Variants in LRRTM4 observed in about 807,000 individuals in gnomAD.
LRRTM4 encodes the protein leucine-rich repeat transmembrane neuronal protein 4.
A neutral mutation model predicts 47.6 loss-of-function variants in LRRTM4; 25 were observed. The observed-to-expected ratio is 0.53, with a 90% CI of 0.38 to 0.73. LRRTM4 has a LOEUF of 0.73. Ranked by LOEUF, LRRTM4 falls within the 30% of genes least tolerant of loss-of-function variation. The pLI is 0.00. For synonymous variants in LRRTM4, 311 were observed against 269.5 expected (o/e 1.15, Z -1.51); for missense variants, 638 against 713.4 (o/e 0.89, Z 1.20).
intron 3 of LRRTM4, among the ~76,000 whole-genome samples, chr2:77,029,719 G>C (rs1678584464): frequency 1.3e-5 from 2 of 152,198 alleles, no homozygotes; most frequent in Non-Finnish European, 2.9e-5. Flanking sequence ...TTTCTGAAGA[G>C]AGGGAATAAA....
chr2:77,237,852 A>AC (rs757665913), intron 3 of LRRTM4, among the ~76,000 whole-genome samples: 1 of 151,976 alleles, frequency 6.6e-6, no homozygotes, highest in Non-Finnish European at 1.5e-5. Flanking sequence ...ACAAGTAAAG[A>AC]CCCCCTGTGA....
At chr2:76,804,323 A>C (rs1675852835) in intron 3 of LRRTM4, among the ~76,000 whole-genome samples, 1 of 152,090 alleles carries the variant, frequency 6.6e-6, no homozygotes, top group African/African-American at 2.4e-5. Flanking sequence ...AACTTGTTAT[A>C]TGTCTACCTT....
At chr2:76,906,681 G>T (rs1573293071) in intron 3 of LRRTM4, among the ~76,000 whole-genome samples, 2 of 151,826 alleles carry the variant, frequency 1.3e-5, no homozygotes, top group East Asian at 1.9e-4. Flanking sequence ...AACAAAAAAA[G>T]GCAGGGGTTG....
At chr2:76,864,378 C>G (rs558495733) in intron 3 of LRRTM4, among the ~76,000 whole-genome samples, 3 of 152,250 alleles carry the variant, frequency 2.0e-5, no homozygotes, top group African/African-American at 4.8e-5. Flanking sequence ...ATGAAGTGGG[C>G]TGGGCGTGGT....
intron 3 of LRRTM4, among the ~76,000 whole-genome samples, chr2:77,362,162 A>AAAGGAAGG (rs1397786559): frequency 8.9e-6 from 1 of 112,902 alleles, no homozygotes; most frequent in Admixed American, 7.6e-5. Context: ...AGAAAGAAAG[A>AAAGGAAGG]AAGAAAGAAA....
At chr2:77,181,734 A>G (rs1260431209) in intron 3 of LRRTM4, among the ~76,000 whole-genome samples, 1 of 152,140 alleles carries the variant, frequency 6.6e-6, no homozygotes, top group African/African-American at 2.4e-5. Flanking sequence ...TAAATTTATG[A>G]TGATGCAAAA....
rs146892460 is a variant in LRRTM4 at position 76,903,443 on chromosome 2, G to A, written c.1552-154527C>T. ...CCCAGCTACTCGGGAGGCTGAGGCA[G>A]GAGAAAGGCATGAACTTGGGAGGCT... On this transcript the variant is annotated intron_variant, in intron 3 of 3. Transcript: ENST00000409884. Among the ~76,000 whole-genome samples, 566 of 152,196 alleles carry A rather than the reference G, an allele frequency of 3.7e-3. 1 individual carries two copies. The highest frequency in any genetic ancestry group is 0.013 in the African/African-American group (541 of 41,540).
At chr2:77,111,841 A>AT in intron 3 of LRRTM4, among the ~76,000 whole-genome samples, 1 of 152,276 alleles carries the variant, frequency 6.6e-6, no homozygotes, top group East Asian at 1.9e-4. Context: ...AGAAAAAAAA[A>AT]TTGTATGCTA....
At chr2:76,977,865 T>C (rs1486187233) in intron 3 of LRRTM4, among the ~76,000 whole-genome samples, 1 of 152,044 alleles carries the variant, frequency 6.6e-6, no homozygotes, top group African/African-American at 2.4e-5. Flanking sequence ...CATAAACTTC[T>C]TTTCCTTCCA....
intron 3 of LRRTM4, among the ~76,000 whole-genome samples, chr2:77,390,299 G>C (rs563019169): frequency 9.5e-4 from 145 of 151,944 alleles, no homozygotes; most frequent in Non-Finnish European, 1.7e-3. Flanking sequence ...GCTTAGGTAG[G>C]AAAAAAGACA....
chr2:76,972,153 G>A (rs549478080), intron 3 of LRRTM4, among the ~76,000 whole-genome samples: 12 of 152,074 alleles, frequency 7.9e-5, no homozygotes, highest in South Asian at 6.2e-4. Flanking sequence ...TTGTCTTAGC[G>A]AAAAGGAGAA....
At position 76,793,410 on chromosome 2, in the gene LRRTM4, G is replaced by A. The variant is rs535843082; in HGVS notation, c.1552-44494C>T. 1.4e-4 allele frequency among the ~76,000 whole-genome samples: 21 copies of A among 152,158 alleles called. No individual in the cohort carries two copies. In the South Asian group the frequency reaches 3.3e-3, roughly 24 times the overall value. ...CACTCTTTGGCCAATTACTGAAATC[G>A]TTTATCAACTTCCAAAGCAAAAGAA... On this transcript the variant is annotated intron_variant, in intron 3 of 3. Coordinates refer to ENST00000409884, the MANE Select transcript of LRRTM4 (RefSeq NM_001134745.3).
intron 3 of LRRTM4, among the ~76,000 whole-genome samples, chr2:77,275,015 G>A (rs1195687217): frequency 1.3e-5 from 2 of 151,896 alleles, no homozygotes; most frequent in Non-Finnish European, 2.9e-5. Context: ...AATCCTGATG[G>A]CAATAGAAAC....
At chr2:77,407,189 T>C (rs1238203128) in intron 3 of LRRTM4, among the ~76,000 whole-genome samples, 2 of 152,284 alleles carry the variant, frequency 1.3e-5, no homozygotes, top group South Asian at 2.1e-4. Flanking sequence ...TTCACACATA[T>C]ATGCTGATCT....
intron 3 of LRRTM4, among the ~76,000 whole-genome samples, chr2:76,916,384 C>CAAAAAAAAAA (rs57874749): frequency 1.2e-3 from 64 of 53,476 alleles, no homozygotes; most frequent in East Asian, 2.2e-3. Flanking sequence ...GACTGTGTCT[C>CAAAAAAAAAA]AAAAAAAAAA....
intron 3 of LRRTM4, among the ~76,000 whole-genome samples, chr2:77,008,492 T>G (rs1251302812): frequency 2.0e-5 from 3 of 152,180 alleles, no homozygotes; most frequent in Non-Finnish European, 2.9e-5. Context: ...TGATATGATA[T>G]TGATCAAGCT....
chr2:77,360,782 T>A (rs535465999), intron 3 of LRRTM4, among the ~76,000 whole-genome samples: 1 of 152,294 alleles, frequency 6.6e-6, no homozygotes, highest in African/African-American at 2.4e-5. Context: ...GGAAGGTTAA[T>A]TTTTAATAGT....
chr2:77,513,254 T>G (rs1679087605), intron 3 of LRRTM4, among the ~76,000 whole-genome samples: 1 of 152,146 alleles, frequency 6.6e-6, no homozygotes, highest in Non-Finnish European at 1.5e-5. Flanking sequence ...ACTGAAGAAG[T>G]TCTTTCTTTT....
intron 3 of LRRTM4, among the ~76,000 whole-genome samples, chr2:77,390,061 T>A (rs1268638203): frequency 1.3e-5 from 2 of 152,206 alleles, no homozygotes; most frequent in East Asian, 3.9e-4. Flanking sequence ...TATGGCCACC[T>A]TGTCACTCAG....
Sources: gnomAD v4.1 joint callset for allele counts (sites outside exome capture counted in the v4.1 genomes callset) on GRCh38, gnomAD v4.1.1 for gene constraint, MANE v1.5 for transcripts, NCBI Gene and HGNC (gene_info 2026-07-23, HGNC 2026-07-21) for gene names.